CNTN4: variants seen among roughly 807,000 people sequenced by gnomAD.
The protein encoded by CNTN4 is contactin-4.
A neutral mutation model predicts 122.5 loss-of-function variants in CNTN4; 77 were observed. The ratio of observed to expected loss-of-function variants is 0.63; its 90% CI spans 0.52 to 0.76. The LOEUF (loss-of-function observed/expected upper bound fraction) is 0.76. Ranked by LOEUF, CNTN4 falls within the 30% of genes least tolerant of loss-of-function variation. The probability of loss-of-function intolerance (pLI) is 0.00; values close to 1 mark genes in which losing one functional copy is unlikely to be tolerated. For missense variants in CNTN4, 1,256 were observed against 1,259.1 expected, an observed-to-expected ratio of 1.00 and a Z score of 0.04; for synonymous variants, 512 against 447.0, an observed-to-expected ratio of 1.15 and a Z score of -1.83.
chr3:3,016,825 G>A (rs1478262226), intron 14 of CNTN4, among the ~76,000 whole-genome samples: 5 of 152,218 alleles, frequency 3.3e-5, no homozygotes, highest in South Asian at 4.2e-4. Context: ...TCTGCTTTGC[G>A]ATTTTCCCCC....
intron 7 of CNTN4, among the ~76,000 whole-genome samples, chr3:2,845,110 A>G (rs983483618): frequency 2.6e-5 from 4 of 152,216 alleles, no homozygotes; most frequent in Admixed American, 6.5e-5. Flanking sequence ...ACTAGGTGCA[A>G]TCCTTTGGAA....
intron 13 of CNTN4, among the ~76,000 whole-genome samples, chr3:2,930,183 GT>G (rs2094507377): frequency 6.6e-6 from 1 of 152,078 alleles, no homozygotes; most frequent in South Asian, 2.1e-4. Context: ...TGTCCCCCTT[GT>G]ATCTGATTTT....
intron 4 of CNTN4, chr3:2,629,460 C>G (rs1195358446): frequency 2.6e-6 from 1 of 389,650 alleles, no homozygotes; most frequent in Non-Finnish European, 5.1e-6. Context: ...GTGATCACCA[C>G]TTGGTTTCTG....
At chr3:2,244,821 G>A (rs994796874) in intron 2 of CNTN4, among the ~76,000 whole-genome samples, 6 of 151,988 alleles carry the variant, frequency 3.9e-5, no homozygotes, top group African/African-American at 1.2e-4. Flanking sequence ...AACATGTGGC[G>A]ATTGCTCAAG....
At chr3:2,787,634 C>G (rs1015782889) in intron 6 of CNTN4, among the ~76,000 whole-genome samples, 1 of 152,072 alleles carries the variant, frequency 6.6e-6, no homozygotes, top group Non-Finnish European at 1.5e-5. Flanking sequence ...GTTCACTTAC[C>G]AGCTATTTAA....
At chr3:2,123,568 G>A (rs2033931475) in intron 2 of CNTN4, among the ~76,000 whole-genome samples, 1 of 152,084 alleles carries the variant, frequency 6.6e-6, no homozygotes, top group Non-Finnish European at 1.5e-5. Context: ...GTCCAGCTGT[G>A]GTGTATCTTC....
intron 3 of CNTN4, among the ~76,000 whole-genome samples, chr3:2,364,492 A>T: frequency 6.6e-6 from 1 of 152,140 alleles, no homozygotes; most frequent in East Asian, 1.9e-4. Flanking sequence ...TTTCCTTTAA[A>T]AAACCTCTCA....
At chr3:2,592,032 A>G (rs901752315) in intron 4 of CNTN4, among the ~76,000 whole-genome samples, 2 of 151,894 alleles carry the variant, frequency 1.3e-5, no homozygotes, top group African/African-American at 4.8e-5. Flanking sequence ...GTGCATGCCA[A>G]CACACCTGGC....
At chr3:2,854,563 C>T in intron 7 of CNTN4, among the ~76,000 whole-genome samples, 1 of 152,182 alleles carries the variant, frequency 6.6e-6, no homozygotes, top group Non-Finnish European at 1.5e-5. Flanking sequence ...ATGAGCCACC[C>T]TGCCCGGCTG....
At chr3:2,715,185 A>G (rs1382986208) in intron 4 of CNTN4, among the ~76,000 whole-genome samples, 1 of 152,192 alleles carries the variant, frequency 6.6e-6, no homozygotes, top group African/African-American at 2.4e-5. Flanking sequence ...CCAGTAGAAA[A>G]CTGTATGTTT....
chr3:2,883,015 G>A, intron 8 of CNTN4, 130 bp from the exon 9 acceptor site: 2 of 694,600 alleles, frequency 2.9e-6, no homozygotes. Flanking sequence ...GATAGGACCT[G>A]CTTTAAATGA....
At chr3:2,806,367 T>C (rs1407067376) in intron 6 of CNTN4, among the ~76,000 whole-genome samples, 1 of 152,160 alleles carries the variant, frequency 6.6e-6, no homozygotes, top group Admixed American at 6.5e-5. Context: ...TTCACATTCC[T>C]CACAACATCT....
intron 7 of CNTN4, among the ~76,000 whole-genome samples, chr3:2,858,065 T>C (rs933168696): frequency 2.6e-5 from 4 of 152,186 alleles, no homozygotes; most frequent in Admixed American, 2.0e-4. Context: ...GTAGAGGCTA[T>C]GGCAAACTGG....
intron 3 of CNTN4, among the ~76,000 whole-genome samples, chr3:2,409,414 GT>G (rs1289156597): frequency 6.6e-6 from 1 of 151,708 alleles, no homozygotes; most frequent in Non-Finnish European, 1.5e-5. Flanking sequence ...CGGCTGGCTA[GT>G]TTTTTGTATT....
At chr3:2,185,039 C>T (rs2037184019) in intron 2 of CNTN4, among the ~76,000 whole-genome samples, 1 of 152,172 alleles carries the variant, frequency 6.6e-6, no homozygotes, top group Non-Finnish European at 1.5e-5. Context: ...CTGGATTCCT[C>T]ATTGTGCAAC....
intron 6 of CNTN4, among the ~76,000 whole-genome samples, chr3:2,795,712 T>G (rs1235533497): frequency 1.3e-5 from 2 of 151,880 alleles, no homozygotes; most frequent in East Asian, 1.9e-4. Flanking sequence ...AGTAGAGACG[T>G]GGTTTCACCG....
chr3:2,559,131 T>A (rs1294077349), intron 3 of CNTN4, among the ~76,000 whole-genome samples: 1 of 152,198 alleles, frequency 6.6e-6, no homozygotes, highest in Non-Finnish European at 1.5e-5. Context: ...TAAATAACTT[T>A]TTAAAAACTG....
intron 2 of CNTN4, among the ~76,000 whole-genome samples, chr3:2,330,321 A>G (rs1324462373): frequency 6.6e-6 from 1 of 152,156 alleles, no homozygotes; most frequent in South Asian, 2.1e-4. Context: ...CTCCAGTTGC[A>G]GTCCTTTTTG....
intron 3 of CNTN4, among the ~76,000 whole-genome samples, chr3:2,469,226 G>A (rs551205123): frequency 6.0e-4 from 92 of 152,222 alleles, no homozygotes; most frequent in African/African-American, 2.1e-3. Flanking sequence ...AATGTACTAA[G>A]ACATAACCAT....
Sources: gnomAD v4.1 joint callset for allele counts (sites outside exome capture counted in the v4.1 genomes callset) on GRCh38, gnomAD v4.1.1 for gene constraint, MANE v1.5 for transcripts, NCBI Gene and HGNC (gene_info 2026-07-23, HGNC 2026-07-21) for gene names.